NTM: variants seen among roughly 807,000 people sequenced by gnomAD.
The protein encoded by NTM is neurotrimin.
Under a neutral mutation model 42.1 loss-of-function variants are expected in NTM, and 13 were observed. The ratio of observed to expected loss-of-function variants is 0.31; its 90% CI spans 0.20 to 0.49. The LOEUF (loss-of-function observed/expected upper bound fraction) is 0.49, where lower values mean the gene tolerates loss of function less well. NTM is among the 20% of genes least tolerant of loss of function. The probability of loss-of-function intolerance (pLI) is 0.99; values close to 1 mark genes in which losing one functional copy is unlikely to be tolerated. For missense variants in NTM, 373 were observed against 452.8 expected (o/e 0.82, Z 1.60); for synonymous variants, 187 against 179.2 (o/e 1.04, Z -0.35).
At chr11:131,429,905 T>A (rs1357317421) in intron 1 of NTM, among the ~76,000 whole-genome samples, 1 of 152,208 alleles carries the variant, frequency 6.6e-6, no homozygotes, top group Admixed American at 6.5e-5. Context: ...GGCACTGACA[T>A]TGTAATTGTT....
intron 1 of NTM, among the ~76,000 whole-genome samples, chr11:131,509,576 T>C (rs1026560977): frequency 3.9e-5 from 6 of 152,216 alleles, no homozygotes; most frequent in Non-Finnish European, 7.3e-5. Flanking sequence ...CAGGAAGACA[T>C]AGAAGACCCA....
intron 3 of NTM, among the ~76,000 whole-genome samples, chr11:132,200,750 C>T (rs1592183300): frequency 6.6e-6 from 1 of 152,154 alleles, no homozygotes; most frequent in African/African-American, 2.4e-5. Context: ...GGGACAGGGG[C>T]TTAGTCTCTA....
chr11:132,183,820 T>A (rs1276962663), intron 3 of NTM, among the ~76,000 whole-genome samples: 5 of 151,988 alleles, frequency 3.3e-5, no homozygotes, highest in Non-Finnish European at 2.9e-5. Flanking sequence ...GACACCTGTG[T>A]TGTTAAAGGC....
intron 2 of NTM, among the ~76,000 whole-genome samples, chr11:132,066,600 C>G (rs7937152): frequency 6.6e-6 from 1 of 151,948 alleles, no homozygotes; most frequent in Non-Finnish European, 1.5e-5. Flanking sequence ...GCCGCAGGAG[C>G]GTAGGGGATA....
intron 4 of NTM, among the ~76,000 whole-genome samples, chr11:132,260,352 G>A (rs2139524254): frequency 6.6e-6 from 1 of 152,092 alleles, no homozygotes; most frequent in Non-Finnish European, 1.5e-5. Flanking sequence ...AAGGTTTCCA[G>A]ACAGTGTAAC....
rs574695199 is a variant in NTM, at chr11:131,819,958, G to A, written c.83-91606G>A. Among the ~76,000 whole-genome samples, 4 of 152,268 alleles carry A rather than the reference G, an allele frequency of 2.6e-5. No homozygotes were observed. The South Asian group carries it at 6.2e-4, about 24-fold the overall frequency. On this transcript the variant is annotated intron_variant, in intron 1 of 8. Transcript: ENST00000683400. ...GATTTCGGTCTGTTCCCTGACACTCGCCTTCGTGGCACAGGGTGTTATTAG... is the reference window on the plus strand; with the variant it reads ...GATTTCGGTCTGTTCCCTGACACTCACCTTCGTGGCACAGGGTGTTATTAG...
At chr11:131,436,046 A>G (rs974333230) in intron 1 of NTM, among the ~76,000 whole-genome samples, 3 of 152,154 alleles carry the variant, frequency 2.0e-5, no homozygotes, top group Admixed American at 1.3e-4. Context: ...TGAGATAATC[A>G]TGTGGTTTTT....
At chr11:131,636,754 G>T (rs1336326603) in intron 1 of NTM, among the ~76,000 whole-genome samples, 1 of 152,198 alleles carries the variant, frequency 6.6e-6, no homozygotes, top group Admixed American at 6.5e-5. Flanking sequence ...GTGACTGTAT[G>T]TCTGTGAGGC....
chr11:131,564,446 GA>G (rs556171495), intron 1 of NTM, among the ~76,000 whole-genome samples: 12 of 124,300 alleles, frequency 9.7e-5, no homozygotes, highest in East Asian at 2.8e-4. Context: ...TGGGTAGGGG[GA>G]GAGAGAGAGG....
chr11:131,836,836 C>T (rs760805172), intron 1 of NTM, among the ~76,000 whole-genome samples: 68 of 152,258 alleles, frequency 4.5e-4, no homozygotes, highest in Non-Finnish European at 9.1e-4. Flanking sequence ...TTAGTTGGAT[C>T]AAAATAATTG....
At chr11:132,033,160 C>T (rs1282401576) in intron 2 of NTM, among the ~76,000 whole-genome samples, 2 of 152,172 alleles carry the variant, frequency 1.3e-5, no homozygotes, top group East Asian at 1.9e-4. Context: ...CTCATGGCTG[C>T]GGGCAAGTAG....
At chr11:132,101,065 T>C (rs1038049190) in intron 2 of NTM, among the ~76,000 whole-genome samples, 1 of 152,200 alleles carries the variant, frequency 6.6e-6, no homozygotes, top group East Asian at 1.9e-4. Flanking sequence ...ATCCACTAAA[T>C]TTAATATCCA....
intron 2 of NTM, among the ~76,000 whole-genome samples, chr11:131,988,262 A>G (rs2066415577): frequency 1.3e-5 from 2 of 152,242 alleles, no homozygotes; most frequent in South Asian, 2.1e-4. Flanking sequence ...AAGTTTCAAC[A>G]TAGAACTTTT....
intron 1 of NTM, among the ~76,000 whole-genome samples, chr11:131,695,545 G>A (rs1016145001): frequency 2.0e-5 from 3 of 152,148 alleles, no homozygotes; most frequent in Admixed American, 2.0e-4. Flanking sequence ...CAATAGCTCA[G>A]ACTCTTTCCT....
At chr11:131,762,370 T>C (rs556403499) in intron 1 of NTM, among the ~76,000 whole-genome samples, 1 of 152,256 alleles carries the variant, frequency 6.6e-6, no homozygotes, top group Admixed American at 6.5e-5. Flanking sequence ...GATCACAGGA[T>C]TAAAGTTGGG....
intron 2 of NTM, among the ~76,000 whole-genome samples, chr11:132,108,839 T>A (rs1213187760): frequency 6.6e-6 from 1 of 152,154 alleles, no homozygotes; most frequent in Non-Finnish European, 1.5e-5. Flanking sequence ...TTTCTCCTAA[T>A]GCCATCCTTA....
At chr11:131,761,952 C>G (rs1046365375) in intron 1 of NTM, among the ~76,000 whole-genome samples, 1 of 152,360 alleles carries the variant, frequency 6.6e-6, no homozygotes, top group African/African-American at 2.4e-5. Context: ...GGGAAGGCAG[C>G]TGTCTGCAAG....
Position 132,081,914 on chromosome 11 carries a change from C to T in NTM, c.168-64368C>T, listed in dbSNP as rs182823577. Reference sequence around the variant, plus strand: ...CTAAATATATATATACATATATTCACGCCACACACACACACATATTCATAT... The same window carrying T: ...CTAAATATATATATACATATATTCATGCCACACACACACACATATTCATAT... On this transcript the variant is annotated intron_variant, in intron 2 of 8. Transcript: ENST00000683400. Among the ~76,000 whole-genome samples the T allele has an allele frequency of 1.1e-3, 158 of 143,544 alleles. 1 individual carries two copies. The highest frequency in any genetic ancestry group is 1.4e-3 in the East Asian group (7 of 5,088). 94.2% of individuals were successfully genotyped at this position (143,544 alleles called of 152,430 possible). A position where few individuals can be genotyped will look rare whatever the true frequency, so the allele number is the denominator to read the frequency against.
intron 1 of NTM, among the ~76,000 whole-genome samples, chr11:131,413,952 A>C (rs189768078): frequency 4.5e-4 from 68 of 152,306 alleles, no homozygotes; most frequent in African/African-American, 1.5e-3. Flanking sequence ...GTGCAGGGAC[A>C]ATCTCTGGTA....
Sources: gnomAD v4.1 joint callset for allele counts (sites outside exome capture counted in the v4.1 genomes callset) on GRCh38, gnomAD v4.1.1 for gene constraint, MANE v1.5 for transcripts, NCBI Gene and HGNC (gene_info 2026-07-23, HGNC 2026-07-21) for gene names.